Variants in ST6GALNAC3 observed in about 807,000 individuals in gnomAD.
ST6GALNAC3 encodes the protein alpha-N-acetylgalactosaminide alpha-2,6-sialyltransferase 3.
A neutral mutation model predicts 32.7 loss-of-function variants in ST6GALNAC3; 25 were observed. That is an observed-to-expected ratio of 0.76 (90% CI 0.56 to 1.07). The LOEUF is 1.07. Among genes scored for constraint, ST6GALNAC3 ranks in the 50% least tolerant of loss-of-function variants. The probability of loss-of-function intolerance (pLI) is 0.00; values close to 1 mark genes in which losing one functional copy is unlikely to be tolerated. For synonymous variants in ST6GALNAC3, 129 were observed against 133.1 expected (o/e 0.97, Z 0.21); for missense variants, 355 against 382.4 (o/e 0.93, Z 0.60).
chr1:76,107,830 A>G (rs1409782380), intron 1 of ST6GALNAC3, among the ~76,000 whole-genome samples: 1 of 152,046 alleles, frequency 6.6e-6, no homozygotes, highest in Admixed American at 6.5e-5. Context: ...CTCTACACCC[A>G]ATGTACTTTA....
At chr1:76,401,947 CA>C (rs981673317) in intron 2 of ST6GALNAC3, among the ~76,000 whole-genome samples, 10 of 152,130 alleles carry the variant, frequency 6.6e-5, no homozygotes, top group Admixed American at 5.9e-4. Context: ...GGGGCAAAAG[CA>C]GATTTTAGTG....
rs1236269527 is a variant in ST6GALNAC3, at chr1:76,341,645, C to CTT, written c.213+27648_213+27649dup. On this transcript the variant is annotated intron_variant, in intron 2 of 4. Transcript: ENST00000328299. The stretch of plus-strand genomic sequence containing the variant: ...TCTTTCTTTCTTTCTTTCTTTCTTT[C>CTT]TTTCTTTCTTTCTTTCTTTCTTTCT... 7.1e-5 allele frequency among the ~76,000 whole-genome samples: 10 copies of CTT among 141,714 alleles called. No homozygotes were observed. The East Asian group carries it at 8.3e-4, about 12-fold the overall frequency. The allele number at this position is 141,714 out of a possible 152,430, so 93.0% of individuals were successfully genotyped here.
intron 3 of ST6GALNAC3, among the ~76,000 whole-genome samples, chr1:76,476,167 A>AT (rs978807058): frequency 1.1e-4 from 17 of 151,984 alleles, no homozygotes; most frequent in South Asian, 1.0e-3. Flanking sequence ...CTGGCTACTT[A>AT]TTTTTTTTCT....
chr1:76,425,679 T>C (rs1655329840), intron 3 of ST6GALNAC3, among the ~76,000 whole-genome samples: 1 of 151,900 alleles, frequency 6.6e-6, no homozygotes, highest in African/African-American at 2.4e-5. Flanking sequence ...AGGATGTCAG[T>C]AGAGAAGAAA....
intron 2 of ST6GALNAC3, among the ~76,000 whole-genome samples, chr1:76,360,924 G>A (rs1243610151): frequency 1.3e-5 from 2 of 152,078 alleles, no homozygotes; most frequent in African/African-American, 4.8e-5. Context: ...CAAAATAGAA[G>A]ATTTTGTGTC....
chr1:76,481,937 A>G (rs528727991), intron 3 of ST6GALNAC3, among the ~76,000 whole-genome samples: 4 of 152,222 alleles, frequency 2.6e-5, no homozygotes, highest in Admixed American at 1.3e-4. Flanking sequence ...TTCCAAATCA[A>G]ATTTCTTCAA....
rs550453286 is a variant in ST6GALNAC3 at position 76,123,191 on chromosome 1, G to A, written c.18+48307G>A. On this transcript the variant is annotated intron_variant, in intron 1 of 4. Transcript: ENST00000328299. ...GTTCGAGACCAGCCTGGCCAACAGGGTGAAACCCCGTCTCTACTAAAAATA... is the reference window on the plus strand; with the variant it reads ...GTTCGAGACCAGCCTGGCCAACAGGATGAAACCCCGTCTCTACTAAAAATA... Among the ~76,000 whole-genome samples, 198 of 152,170 alleles carry A rather than the reference G, an allele frequency of 1.3e-3. 3 individuals are homozygous for A. Among genetic ancestry groups the A allele is most frequent in the Admixed American group, 7.7e-3 (118 of 15,276 alleles).
chr1:76,335,268 T>C (rs967641451), intron 2 of ST6GALNAC3, among the ~76,000 whole-genome samples: 5 of 152,178 alleles, frequency 3.3e-5, no homozygotes, highest in African/African-American at 1.2e-4. Context: ...GATTATTGTG[T>C]ACTTTACAAA....
chr1:76,372,437 GA>G (rs1650904206), intron 2 of ST6GALNAC3, among the ~76,000 whole-genome samples: 1 of 151,790 alleles, frequency 6.6e-6, no homozygotes, highest in Non-Finnish European at 1.5e-5. Flanking sequence ...GGGTTTTCAT[GA>G]AAAAAATTCC....
intron 3 of ST6GALNAC3, among the ~76,000 whole-genome samples, chr1:76,608,312 A>G (rs1429883366): frequency 6.6e-6 from 1 of 152,230 alleles, no homozygotes; most frequent in African/African-American, 2.4e-5. Context: ...TTGAGCCTCT[A>G]TTATATGACA....
intron 1 of ST6GALNAC3, among the ~76,000 whole-genome samples, chr1:76,248,346 T>G (rs1325098079): frequency 6.6e-6 from 1 of 152,166 alleles, no homozygotes; most frequent in African/African-American, 2.4e-5. Context: ...TTTCTTCTCC[T>G]TTACAGCCTT....
chr1:76,117,825 C>T (rs1157256755), intron 1 of ST6GALNAC3, among the ~76,000 whole-genome samples: 5 of 152,138 alleles, frequency 3.3e-5, no homozygotes, highest in Admixed American at 3.3e-4. Context: ...GGAATTCCAC[C>T]TCTGCTGTCT....
At chr1:76,534,454 C>T (rs1381199065) in intron 3 of ST6GALNAC3, among the ~76,000 whole-genome samples, 1 of 152,156 alleles carries the variant, frequency 6.6e-6, no homozygotes, top group African/African-American at 2.4e-5. Context: ...CCTCTCACCC[C>T]CTGTAACTCC....
intron 3 of ST6GALNAC3, among the ~76,000 whole-genome samples, chr1:76,414,502 G>T (rs1654480993): frequency 6.6e-6 from 1 of 152,032 alleles, no homozygotes; most frequent in Admixed American, 6.6e-5. Context: ...CTATGTTAAA[G>T]ACTTTTATTG....
chr1:76,422,166 A>G (rs1655070660), intron 3 of ST6GALNAC3, among the ~76,000 whole-genome samples: 1 of 152,024 alleles, frequency 6.6e-6, no homozygotes, highest in South Asian at 2.1e-4. Flanking sequence ...CTAGAAGAAT[A>G]TATGTTGTGT....
chr1:76,348,959 T>C (rs1478823010), intron 2 of ST6GALNAC3, among the ~76,000 whole-genome samples: 1 of 152,200 alleles, frequency 6.6e-6, no homozygotes, highest in Non-Finnish European at 1.5e-5. Flanking sequence ...TTTAATCTTC[T>C]GTTTAAAATT....
intron 2 of ST6GALNAC3, chr1:76,353,441 C>T (rs764055655): frequency 2.0e-5 from 3 of 151,850 alleles, no homozygotes; most frequent in East Asian, 3.9e-4. Flanking sequence ...AATCATTGTT[C>T]GTTTGTTTTG....
chr1:76,160,109 G>A (rs1651719510), intron 1 of ST6GALNAC3, among the ~76,000 whole-genome samples: 1 of 152,078 alleles, frequency 6.6e-6, no homozygotes, highest in African/African-American at 2.4e-5. Flanking sequence ...ATTTATAGGT[G>A]GATAGAAAAG....
intron 3 of ST6GALNAC3, among the ~76,000 whole-genome samples, chr1:76,432,872 C>G (rs971423686): frequency 9.2e-5 from 14 of 152,234 alleles, no homozygotes; most frequent in Middle Eastern, 3.4e-3. Flanking sequence ...TTTCGGTGTT[C>G]AATGAAAATT....
Sources: allele counts gnomAD v4.1 joint callset (sites outside exome capture counted in the v4.1 genomes callset), GRCh38; gene constraint gnomAD v4.1.1; transcripts MANE v1.5; gene names NCBI Gene and HGNC (gene_info 2026-07-23, HGNC 2026-07-21).